The following SNX18 variants were observed in gnomAD, a reference collection of about 807,000 sequenced individuals.
SNX18 encodes sorting nexin-18.
SNX18 carries 35 observed loss-of-function variants against 48.7 expected under a neutral mutation model. That is an observed-to-expected ratio of 0.72 (90% confidence interval 0.55 to 0.95). The LOEUF is 0.95. Among genes scored for constraint, SNX18 ranks in the 40% least tolerant of loss-of-function variants. The pLI is 0.00. For synonymous variants in SNX18, 492 were observed against 384.7 expected, an observed-to-expected ratio of 1.28 and a Z score of -3.26; for missense variants, 824 against 871.0, an observed-to-expected ratio of 0.95 and a Z score of 0.68.
the SNX18 span, among the ~76,000 whole-genome samples, chr5:54,590,669 G>A: frequency 1.3e-5 from 2 of 152,232 alleles, no homozygotes; most frequent in Admixed American, 1.3e-4. Context: ...ATCCAACTAA[G>A]CAGACATTAA....
At chr5:54,621,201 G>T in the SNX18 span, among the ~76,000 whole-genome samples, 2 of 152,114 alleles carry the variant, frequency 1.3e-5, no homozygotes, top group Non-Finnish European at 2.9e-5. Context: ...CTCTGACCTG[G>T]GTTATTGATT....
the SNX18 span, among the ~76,000 whole-genome samples, chr5:54,577,638 G>A: frequency 6.6e-6 from 1 of 152,192 alleles, no homozygotes; most frequent in African/African-American, 2.4e-5. Flanking sequence ...GATGAACAAT[G>A]TAACTCAGGA....
intron 1 of SNX18, among the ~76,000 whole-genome samples, chr5:54,535,239 G>T (rs1334196221): frequency 6.6e-6 from 1 of 152,128 alleles, no homozygotes; most frequent in Non-Finnish European, 1.5e-5. Flanking sequence ...GGCTTACATT[G>T]GTTAGATACA....
At chr5:54,585,726 G>C in the SNX18 span, among the ~76,000 whole-genome samples, 1 of 151,880 alleles carries the variant, frequency 6.6e-6, no homozygotes, top group African/African-American at 2.4e-5. Context: ...TTCCCCGGCC[G>C]GGCGCGGTGG....
At chr5:54,598,532 C>T in the SNX18 span, among the ~76,000 whole-genome samples, 2 of 152,198 alleles carry the variant, frequency 1.3e-5, no homozygotes, top group African/African-American at 4.8e-5. Flanking sequence ...AGCTTATCCA[C>T]CATGATCAAG....
chr5:54,518,028 G>A lies in SNX18; in HGVS notation c.76G>A (p.Val26Met), dbSNP rs1378594507. The change falls in exon 1 of 2, where the codon GTG (valine) becomes ATG (methionine). Residue 26 changes from valine (V) to methionine (M), a missense_variant. By Grantham distance (21) the Val-to-Met change is conservative. Coordinates refer to ENST00000381410, the MANE Select transcript of SNX18 (RefSeq NM_001102575.2). The part of the protein sequence containing the change: ...PGEISLREHE[V>M]LSLCSEQDIE... ...AGAGATCTCGCTGCGAGAGCACGAG[G>A]TGCTGAGCCTGTGCAGCGAGCAGGA... is the stretch of plus-strand genomic sequence containing the variant. 5 of 1,548,444 alleles carry A rather than the reference G, an allele frequency of 3.2e-6. No individual in the cohort carries two copies. Among genetic ancestry groups the A allele is most frequent in the South Asian group, 2.4e-5 (2 of 84,336 alleles).
At chr5:54,556,765 G>A in the SNX18 span, among the ~76,000 whole-genome samples, 1 of 152,066 alleles carries the variant, frequency 6.6e-6, no homozygotes. Flanking sequence ...TGCAGGATTG[G>A]GGGGTATGCA....
chr5:54,536,003 T>G (rs1043765228), intron 1 of SNX18, among the ~76,000 whole-genome samples: 2 of 152,140 alleles, frequency 1.3e-5, no homozygotes, highest in Non-Finnish European at 2.9e-5. Context: ...GTAATTAAGT[T>G]GAACTCTCAA....
chr5:54,591,566 T>C, the SNX18 span, among the ~76,000 whole-genome samples: 1 of 152,214 alleles, frequency 6.6e-6, no homozygotes. Context: ...CTTGCACCAT[T>C]TGTTGGTGGC....
chr5:54,606,755 A>T, the SNX18 span, among the ~76,000 whole-genome samples: 3 of 152,328 alleles, frequency 2.0e-5, no homozygotes, highest in African/African-American at 7.2e-5. Context: ...ATAATATCAC[A>T]ACCAGGAGAT....
chr5:54,522,996 T>C (rs1762061208), intron 1 of SNX18, among the ~76,000 whole-genome samples: 1 of 152,198 alleles, frequency 6.6e-6, no homozygotes, highest in Non-Finnish European at 1.5e-5. Context: ...TAGTTTGCTG[T>C]AGTCTGCGGT....
At chr5:54,522,973 C>T (rs1762060033) in intron 1 of SNX18, among the ~76,000 whole-genome samples, 1 of 152,014 alleles carries the variant, frequency 6.6e-6, no homozygotes, top group South Asian at 2.1e-4. Context: ...TGGAGTTGAG[C>T]GAAGAAAGAC....
intron 1 of SNX18, among the ~76,000 whole-genome samples, chr5:54,527,360 G>GC (rs1034607276): frequency 1.3e-5 from 1 of 75,950 alleles, no homozygotes; most frequent in Non-Finnish European, 2.6e-5. Flanking sequence ...CGGGGAGCCG[G>GC]GGGGGGGGGT....
At chr5:54,606,254 A>C in the SNX18 span, among the ~76,000 whole-genome samples, 1 of 152,346 alleles carries the variant, frequency 6.6e-6, no homozygotes. Flanking sequence ...TGAATGACTG[A>C]ATTGTAAATG....
chr5:54,613,900 G>A, the SNX18 span, among the ~76,000 whole-genome samples: 1 of 152,112 alleles, frequency 6.6e-6, no homozygotes, highest in Non-Finnish European at 1.5e-5. Context: ...TCTCCATGTT[G>A]GTCAGGTTGG....
the SNX18 span, among the ~76,000 whole-genome samples, chr5:54,573,366 G>A: frequency 2.0e-5 from 3 of 151,956 alleles, no homozygotes; most frequent in Non-Finnish European, 2.9e-5. Flanking sequence ...TCTTTCTTGC[G>A]CGAGATCCAA....
the SNX18 span, among the ~76,000 whole-genome samples, chr5:54,557,387 T>A: frequency 6.6e-6 from 1 of 152,210 alleles, no homozygotes; most frequent in Admixed American, 6.5e-5. Context: ...CTTCATGTTT[T>A]TAGCTAAATA....
the SNX18 span, among the ~76,000 whole-genome samples, chr5:54,585,851 A>C: frequency 7.2e-5 from 11 of 152,154 alleles, no homozygotes; most frequent in Middle Eastern, 0.014. Flanking sequence ...AAAATACAAA[A>C]AAAAATAGCT....
chr5:54,555,672 CA>C, the SNX18 span, among the ~76,000 whole-genome samples: 1 of 151,736 alleles, frequency 6.6e-6, no homozygotes, highest in Admixed American at 6.6e-5. Flanking sequence ...CCAAACAATA[CA>C]AAAATTAGCC....
Sources: gnomAD v4.1 joint callset for allele counts (sites outside exome capture counted in the v4.1 genomes callset) on GRCh38, gnomAD v4.1.1 for gene constraint, MANE v1.5 for transcripts, NCBI Gene and HGNC (gene_info 2026-07-23, HGNC 2026-07-21) for gene names.